UBE3C: variants seen among roughly 807,000 people sequenced by gnomAD.
UBE3C encodes the protein ubiquitin protein ligase E3C.
In UBE3C, 42 loss-of-function variants were observed where a neutral mutation model predicts 129.4. That is an observed-to-expected ratio of 0.32 (90% CI 0.25 to 0.42). The LOEUF is 0.42. Ranked by LOEUF, UBE3C falls within the 10% of genes least tolerant of loss-of-function variation. The pLI is 1.00. For synonymous variants in UBE3C, 510 were observed against 492.4 expected (o/e 1.04, Z -0.47); for missense variants, 1,049 against 1,319.1 (o/e 0.80, Z 3.17).
At chr7:157,205,591 AC>A (rs1358115073) in intron 11 of UBE3C, among the ~76,000 whole-genome samples, 1 of 151,996 alleles carries the variant, frequency 6.6e-6, no homozygotes, top group Non-Finnish European at 1.5e-5. Flanking sequence ...CATATAAACA[AC>A]CTTTTTGTGT....
intron 10 of UBE3C, among the ~76,000 whole-genome samples, chr7:157,189,821 C>T (rs1043150954): frequency 1.6e-5 from 2 of 123,756 alleles, no homozygotes; most frequent in Non-Finnish European, 3.1e-5. Flanking sequence ...TAGTTTGTGA[C>T]GGAGTCTCTT....
chr7:157,161,869 C>T lies in UBE3C; in HGVS notation c.67-1941C>T, dbSNP rs1320917150. Reference sequence around the variant, plus strand: ...GGCAGATCACTTGAGGCCAGGAGTTCGAGACCAGCCTGGCCAATGTGGCGA... The same window carrying T: ...GGCAGATCACTTGAGGCCAGGAGTTTGAGACCAGCCTGGCCAATGTGGCGA... On this transcript the variant is annotated intron_variant, in intron 1 of 22. Coordinates refer to ENST00000348165, the MANE Select transcript of UBE3C (RefSeq NM_014671.3). Among the ~76,000 whole-genome samples, 10 of 151,942 alleles carry T rather than the reference C, an allele frequency of 6.6e-5. No homozygotes were observed. In the South Asian group the frequency reaches 1.0e-3, roughly 16 times the overall value.
intron 1 of UBE3C, among the ~76,000 whole-genome samples, chr7:157,141,025 A>C (rs1008748657): frequency 6.6e-6 from 1 of 152,196 alleles, no homozygotes; most frequent in African/African-American, 2.4e-5. Flanking sequence ...TCTCACCAGG[A>C]GCATGCTACA....
At chr7:157,237,480 A>G (rs1282662709) in intron 18 of UBE3C, among the ~76,000 whole-genome samples, 3 of 152,188 alleles carry the variant, frequency 2.0e-5, no homozygotes, top group Non-Finnish European at 4.4e-5. Flanking sequence ...GTTTAGCACC[A>G]CAAGGTAAAT....
chr7:157,230,355 G>A (rs1795988928), intron 17 of UBE3C, among the ~76,000 whole-genome samples: 1 of 151,100 alleles, frequency 6.6e-6, no homozygotes, highest in African/African-American at 2.4e-5. Flanking sequence ...ATTGTCTTGG[G>A]CCACAGACAA....
At chr7:157,264,947 T>C (rs958114055) in intron 22 of UBE3C, among the ~76,000 whole-genome samples, 2 of 152,216 alleles carry the variant, frequency 1.3e-5, no homozygotes, top group Non-Finnish European at 2.9e-5. Flanking sequence ...CAACATTACA[T>C]CAGGATCATT....
intron 2 of UBE3C, chr7:157,164,545 C>G: frequency 2.3e-6 from 1 of 433,188 alleles, no homozygotes; most frequent in Non-Finnish European, 4.7e-6. Flanking sequence ...AAGAAAGACA[C>G]TAATGACATT....
At chr7:157,227,631 C>T (rs10245084) in intron 17 of UBE3C, among the ~76,000 whole-genome samples, 2,469 of 151,226 alleles carry the variant, frequency 0.016, 29 homozygotes, top group Middle Eastern at 0.061. Context: ...ACCCGGGAGG[C>T]GGAGGTTGCA....
intron 22 of UBE3C, among the ~76,000 whole-genome samples, chr7:157,265,743 G>A (rs1254530768): frequency 3.3e-5 from 5 of 152,192 alleles, no homozygotes; most frequent in South Asian, 2.1e-4. Flanking sequence ...TTTCTCATGC[G>A]TGCATTTCAT....
chr7:157,190,467 G>A (rs1251426493), intron 10 of UBE3C, among the ~76,000 whole-genome samples: 3 of 152,072 alleles, frequency 2.0e-5, no homozygotes, highest in Non-Finnish European at 2.9e-5. Context: ...TCAGGTCCTC[G>A]GCTACCAAAG....
At position 157,257,126 on chromosome 7, in the gene UBE3C, G is replaced by GTC; in HGVS notation, c.3081+83_3081+84dup. ...AGAACATTCAGTAGGGTTAAATGAA[G>GTC]TCCTTTTACATACACTTTTGTTTTT... On this transcript the variant is annotated intron_variant, in intron 22 of 22. Transcript: ENST00000348165. 4.5e-6 allele frequency: 7 copies of GTC among 1,554,124 alleles called. No homozygotes were observed. The South Asian group carries it at 7.2e-5, about 16-fold the overall frequency.
chr7:157,140,422 G>A (rs536154444), intron 1 of UBE3C, among the ~76,000 whole-genome samples: 1 of 152,294 alleles, frequency 6.6e-6, no homozygotes, highest in South Asian at 2.1e-4. Context: ...TTTGAGGTTC[G>A]TGTGATGGTG....
chr7:157,241,638 A>G (rs1347744002), intron 18 of UBE3C, among the ~76,000 whole-genome samples: 1 of 152,240 alleles, frequency 6.6e-6, no homozygotes, highest in African/African-American at 2.4e-5. Flanking sequence ...CACTTTGGAA[A>G]AGTTTAGCAG....
chr7:157,150,870 G>T (rs1225779203), intron 1 of UBE3C, among the ~76,000 whole-genome samples: 3 of 152,218 alleles, frequency 2.0e-5, no homozygotes, highest in African/African-American at 7.2e-5. Flanking sequence ...TTGTTACCTT[G>T]GTCAGTTCTG....
At chr7:157,182,399 C>G (rs1268475498) in intron 8 of UBE3C, 71 bp downstream of exon 8, 1 of 1,471,828 alleles carries the variant, frequency 6.8e-7, no homozygotes, top group Non-Finnish European at 9.3e-7. Flanking sequence ...CAAGAGAAGG[C>G]CATGCAGTGG....
At chr7:157,262,309 A>C (rs757786923) in intron 22 of UBE3C, among the ~76,000 whole-genome samples, 12 of 150,692 alleles carry the variant, frequency 8.0e-5, no homozygotes, top group African/African-American at 1.2e-4. Context: ...ATTTTAGCAC[A>C]TATTATATGC....
intron 22 of UBE3C, 117 bp downstream of exon 22, chr7:157,257,161 T>C: frequency 7.2e-7 from 1 of 1,380,682 alleles, no homozygotes; most frequent in Non-Finnish European, 9.8e-7. Context: ...TATCTTCAGC[T>C]AGATTTTTAA....
chr7:157,185,377 C>A lies in UBE3C; in HGVS notation c.1143+1348C>A, dbSNP rs1284659624. Among the ~76,000 whole-genome samples the A allele has an allele frequency of 6.6e-5, 10 of 152,272 alleles. No individual in the cohort carries two copies. The East Asian group carries it at 1.9e-3, about 29-fold the overall frequency. On this transcript the variant is annotated intron_variant, in intron 9 of 22. Coordinates refer to ENST00000348165, the MANE Select transcript of UBE3C (RefSeq NM_014671.3). Reference sequence around the variant, plus strand: ...ACCATAGAAAATATTACTCTATATTCTTTTTTAATACATAAGGGTTTCAAG... The same window carrying A: ...ACCATAGAAAATATTACTCTATATTATTTTTTAATACATAAGGGTTTCAAG...
rs938219111 is a variant in UBE3C at position 157,201,883 on chromosome 7, C to T, written c.1418+76C>T. On this transcript the variant is annotated intron_variant, in intron 11 of 22. Transcript: ENST00000348165. The stretch of plus-strand genomic sequence containing the variant: ...AGCCTAATCAAAAATGTTGCCAGAA[C>T]CTGTTTTTAAGTCCTGTTTATACTG... 3.1e-6 allele frequency: 4 copies of T among 1,285,932 alleles called. No individual in the cohort carries two copies. The Middle Eastern group carries it at 5.6e-4, about 179-fold the overall frequency. 79.7% of individuals were successfully genotyped at this position (1,285,932 alleles called of 1,614,324 possible). A position where few individuals can be genotyped will look rare whatever the true frequency, so the allele number is the denominator to read the frequency against.
Sources: allele counts gnomAD v4.1 joint callset (sites outside exome capture counted in the v4.1 genomes callset), GRCh38; gene constraint gnomAD v4.1.1; transcripts MANE v1.5; gene names NCBI Gene and HGNC (gene_info 2026-07-23, HGNC 2026-07-21).